The following MEI4 variants were observed in gnomAD, a reference collection of about 807,000 sequenced individuals.
MEI4 encodes the protein meiosis-specific protein MEI4.
In MEI4, 27 loss-of-function variants were observed where a neutral mutation model predicts 31.4. That is an observed-to-expected ratio of 0.86 (90% CI 0.63 to 1.19). The LOEUF is 1.19. Among genes scored for constraint, MEI4 ranks in the 50% most tolerant of loss-of-function variants. MEI4 has a pLI of 0.00. For missense variants in MEI4, 329 were observed against 398.9 expected (o/e 0.82, Z 1.49); for synonymous variants, 122 against 145.4 (o/e 0.84, Z 1.16).
intron 3 of MEI4, among the ~76,000 whole-genome samples, chr6:77,798,089 G>A (rs1449704298): frequency 2.0e-5 from 3 of 151,896 alleles, no homozygotes; most frequent in Non-Finnish European, 4.4e-5. Context: ...CTGACAATAA[G>A]TCAGTACTTA....
At chr6:77,739,618 G>A (rs1381236758) in intron 2 of MEI4, among the ~76,000 whole-genome samples, 1 of 152,010 alleles carries the variant, frequency 6.6e-6, no homozygotes, top group African/African-American at 2.4e-5. Flanking sequence ...AATACTTAAT[G>A]CATGCTTGAA....
At chr6:77,754,839 A>G (rs914454207) in intron 2 of MEI4, among the ~76,000 whole-genome samples, 3 of 152,036 alleles carry the variant, frequency 2.0e-5, no homozygotes, top group African/African-American at 7.2e-5. Flanking sequence ...AGATCTTGTG[A>G]CAACTCACTC....
chr6:77,654,584 A>C (rs1474257039), intron 1 of MEI4, among the ~76,000 whole-genome samples: 2 of 87,808 alleles, frequency 2.3e-5, no homozygotes, highest in African/African-American at 5.4e-5. Flanking sequence ...AATGAATAAA[A>C]GTACTACTAC....
At chr6:77,734,706 G>T (rs1423571857) in intron 2 of MEI4, among the ~76,000 whole-genome samples, 2 of 151,792 alleles carry the variant, frequency 1.3e-5, no homozygotes, top group Non-Finnish European at 2.9e-5. Flanking sequence ...TTGCTCGTTA[G>T]TTGATGCAGT....
intron 2 of MEI4, among the ~76,000 whole-genome samples, chr6:77,707,797 A>G (rs549366709): frequency 6.6e-6 from 1 of 152,332 alleles, no homozygotes; most frequent in Admixed American, 6.5e-5. Flanking sequence ...AAAAGGCCCC[A>G]GATACAGCTC....
rs951180896 is a variant in MEI4 at position 77,716,176 on chromosome 6, C to T, written c.232+25273C>T. On this transcript the variant is annotated intron_variant, in intron 2 of 4. Transcript: ENST00000684080. Reference sequence around the variant, plus strand: ...TCAAAGGCAGAAAACAGATGGTTAACGTATATTAACAGGTTTCATGGGAGC... The same window carrying T: ...TCAAAGGCAGAAAACAGATGGTTAATGTATATTAACAGGTTTCATGGGAGC... Among the ~76,000 whole-genome samples, 4 of 152,016 alleles carry T rather than the reference C, an allele frequency of 2.6e-5. 1 individual carries two copies. In the South Asian group the frequency reaches 6.2e-4, roughly 24 times the overall value.
intron 2 of MEI4, among the ~76,000 whole-genome samples, chr6:77,736,741 A>G (rs1056921504): frequency 6.6e-6 from 1 of 152,104 alleles, no homozygotes; most frequent in African/African-American, 2.4e-5. Context: ...ATAGCATCAC[A>G]CAGTCTAGTG....
intron 1 of MEI4, among the ~76,000 whole-genome samples, chr6:77,656,588 C>T (rs1453571339): frequency 1.3e-5 from 2 of 152,172 alleles, no homozygotes; most frequent in Non-Finnish European, 2.9e-5. Flanking sequence ...GTGCCTGGCA[C>T]AATCAATAAG....
intron 4 of MEI4, among the ~76,000 whole-genome samples, chr6:77,896,637 C>T (rs1429544532): frequency 6.6e-6 from 1 of 151,932 alleles, no homozygotes; most frequent in South Asian, 2.1e-4. Flanking sequence ...ACACTTACAC[C>T]TTCTTCAGGG....
intron 2 of MEI4, among the ~76,000 whole-genome samples, chr6:77,734,228 G>C (rs932227785): frequency 3.3e-5 from 5 of 151,994 alleles, no homozygotes; most frequent in African/African-American, 1.2e-4. Flanking sequence ...ACAGTGCGGT[G>C]TTAACATCTC....
At chr6:77,902,029 A>C (rs1411981047) in intron 4 of MEI4, among the ~76,000 whole-genome samples, 5 of 151,896 alleles carry the variant, frequency 3.3e-5, no homozygotes, top group Non-Finnish European at 7.4e-5. Flanking sequence ...TTGTGGATTT[A>C]TTTCTGGTTC....
rs1443542871 is a variant in MEI4, at chr6:77,829,065, A to G, written c.900+3A>G. On this transcript the variant is annotated splice_donor_region_variant and intron_variant, in intron 4 of 4. Coordinates refer to ENST00000684080, the MANE Select transcript of MEI4 (RefSeq NM_001322247.2). ...ATGATCTGGGAGCCATCAATCAGGT[A>G]CACATAACTTGAAACTGTAGTTCTC... 3.2e-6 allele frequency: 4 copies of G among 1,231,536 alleles called. No homozygotes were observed. Among genetic ancestry groups the G allele is most frequent in the African/African-American group, 3.1e-5 (2 of 64,386 alleles). 76.3% of individuals were successfully genotyped at this position (1,231,536 alleles called of 1,614,324 possible).
rs143637915 is a variant in MEI4 at position 77,729,659 on chromosome 6, C to T, written c.233-31471C>T. Among the ~76,000 whole-genome samples, 38 of 152,198 alleles carry T rather than the reference C, an allele frequency of 2.5e-4. No individual in the cohort carries two copies. The East Asian group carries it at 5.4e-3, about 22-fold the overall frequency. ...TTTACAGACTTCTTCAATTAATCAC[C>T]CCCTTTTTATTCAGCATTTATAGGG... On this transcript the variant is annotated intron_variant, in intron 2 of 4. Coordinates refer to ENST00000684080, the MANE Select transcript of MEI4 (RefSeq NM_001322247.2).
chr6:77,737,049 C>G (rs1767262376), intron 2 of MEI4, among the ~76,000 whole-genome samples: 1 of 152,158 alleles, frequency 6.6e-6, no homozygotes, highest in South Asian at 2.1e-4. Flanking sequence ...AGATGACAAA[C>G]TAGGTTGAAG....
chr6:77,712,434 A>G (rs1050782336), intron 2 of MEI4, among the ~76,000 whole-genome samples: 26 of 152,278 alleles, frequency 1.7e-4, no homozygotes, highest in Middle Eastern at 3.4e-3. Flanking sequence ...ACATAACTTT[A>G]TGGCATGAAT....
At chr6:77,778,343 T>C (rs1768508380) in intron 3 of MEI4, among the ~76,000 whole-genome samples, 1 of 152,128 alleles carries the variant, frequency 6.6e-6, no homozygotes, top group Non-Finnish European at 1.5e-5. Flanking sequence ...AGTAGGGTGT[T>C]ACTTGCTATG....
At chr6:77,760,583 G>A (rs897274943) in intron 2 of MEI4, among the ~76,000 whole-genome samples, 18 of 152,024 alleles carry the variant, frequency 1.2e-4, no homozygotes, top group Admixed American at 5.3e-4. Context: ...GTATTTATGC[G>A]TTTACATTTA....
At chr6:77,748,272 C>A (rs1044449540) in intron 2 of MEI4, among the ~76,000 whole-genome samples, 7 of 152,230 alleles carry the variant, frequency 4.6e-5, no homozygotes, top group African/African-American at 1.7e-4. Flanking sequence ...TCTCCCCCTG[C>A]AGCAGACTTC....
intron 4 of MEI4, among the ~76,000 whole-genome samples, chr6:77,873,187 C>T (rs925099548): frequency 1.2e-4 from 19 of 152,258 alleles, no homozygotes; most frequent in African/African-American, 4.6e-4. Context: ...CACTGACTTC[C>T]ACAATGGTTG....
Sources: gnomAD v4.1 joint callset for allele counts (sites outside exome capture counted in the v4.1 genomes callset) on GRCh38, gnomAD v4.1.1 for gene constraint, MANE v1.5 for transcripts, NCBI Gene and HGNC (gene_info 2026-07-23, HGNC 2026-07-21) for gene names.